The following CPSF7 variants were observed in gnomAD, a reference collection of about 807,000 sequenced individuals.
The protein encoded by CPSF7 is cleavage and polyadenylation specific factor 7.
Under a neutral mutation model 44.3 loss-of-function variants are expected in CPSF7, and 1 was observed. The ratio of observed to expected loss-of-function variants is 0.02; its 90% CI spans 0.01 to 0.11. CPSF7 has a LOEUF of 0.11. CPSF7 is among the 10% of genes least tolerant of loss of function. CPSF7 has a pLI of 1.00. For missense variants in CPSF7, 443 were observed against 607.2 expected, an observed-to-expected ratio of 0.73 and a Z score of 2.84; for synonymous variants, 202 against 222.0, an observed-to-expected ratio of 0.91 and a Z score of 0.80.
intron 2 of CPSF7, 112 bp from the exon 3 acceptor site, chr11:61,421,720 T>C: frequency 1.4e-6 from 1 of 735,830 alleles, no homozygotes; most frequent in Non-Finnish European, 2.3e-6. Flanking sequence ...TGTACAAAAC[T>C]TCCTTGTCCT....
chr11:61,410,856 C>A, intron 9 of CPSF7, 82 bp downstream of exon 9: 10 of 1,407,678 alleles, frequency 7.1e-6, no homozygotes, highest in Non-Finnish European at 8.5e-6. Context: ...TTTACTTTTG[C>A]TTTAAAGAGA....
chr11:61,413,420 C>T (rs1860024346), intron 7 of CPSF7, among the ~76,000 whole-genome samples: 1 of 151,886 alleles, frequency 6.6e-6, no homozygotes, highest in Non-Finnish European at 1.5e-5. Context: ...TCACTTGAAG[C>T]CAGAGTTCGA....
intron 5 of CPSF7, 54 bp downstream of exon 5, chr11:61,419,895 C>A (rs769416570): frequency 6.3e-7 from 1 of 1,597,972 alleles, no homozygotes; most frequent in East Asian, 2.2e-5. Context: ...CAAACACCCC[C>A]CCCTCATACA....
In CPSF7 at chr11:61,429,968, C is replaced by A; in HGVS notation, c.-110G>T. 7.8e-7 allele frequency: 1 copy of A among 1,279,554 alleles called. No individual in the cohort carries two copies. The highest frequency in any genetic ancestry group is 1.0e-6 in the Non-Finnish European group (1 of 954,810). The allele number at this position is 1,279,554 out of a possible 1,614,324, so 79.3% of individuals were successfully genotyped here. A position where few individuals can be genotyped will look rare whatever the true frequency, so the allele number is the denominator to read the frequency against. On this transcript the variant is annotated 5_prime_UTR_variant, in exon 1 of 10. Transcript: ENST00000439958. Reference sequence around the variant, plus strand: ...CGGACTAGGCCCGAAGCGCGCGAACCGCTCTCCGCCCCAGGTCCCGCCCCC... The same window carrying A: ...CGGACTAGGCCCGAAGCGCGCGAACAGCTCTCCGCCCCAGGTCCCGCCCCC...
Position 61,416,292 on chromosome 11 carries a change from C to CAGG in CPSF7, c.748_750dup (p.Pro250dup), listed in dbSNP as rs755313692. 5 of 1,538,626 alleles carry CAGG rather than the reference C, an allele frequency of 3.2e-6. No individual in the cohort carries two copies. The highest frequency in any genetic ancestry group is 4.4e-6 in the Non-Finnish European group (5 of 1,143,646). On this transcript the variant is annotated inframe_insertion, in exon 6 of 10. Transcript: ENST00000439958. Reference sequence around the variant, plus strand: ...GGCATGAGATGCTGGTAGTGGATACCAGGAGGAGGAGGAGGGACCCCAAAG... The same window carrying CAGG: ...GGCATGAGATGCTGGTAGTGGATACCAGGAGGAGGAGGAGGAGGGACCCCAAAG...
At position 61,404,438 on chromosome 11, in the gene CPSF7, G is replaced by T. The variant is rs1469014015; in HGVS notation, c.*272C>A. On this transcript the variant is annotated 3_prime_UTR_variant, in exon 10 of 10. Coordinates refer to ENST00000439958, the MANE Select transcript of CPSF7 (RefSeq NM_001142565.3). Reference sequence around the variant, plus strand: ...AGCACCATTCTCTATGGAGACCAGGGGCCTGGACATGTTTTCTTCCTGTCT... The same window carrying T: ...AGCACCATTCTCTATGGAGACCAGGTGCCTGGACATGTTTTCTTCCTGTCT... 1 of 152,626 alleles carries T rather than the reference G, an allele frequency of 6.6e-6. No homozygotes were observed. Among genetic ancestry groups the T allele is most frequent in the South Asian group, 2.1e-4 (1 of 4,812 alleles). The allele number at this position is 152,626 out of a possible 1,614,324, so 9.5% of individuals were successfully genotyped here. A position where few individuals can be genotyped will look rare whatever the true frequency, so the allele number is the denominator to read the frequency against.
At chr11:61,420,669 C>T (rs1860778606) in intron 3 of CPSF7, 96 bp from the exon 4 acceptor site, 1 of 899,416 alleles carries the variant, frequency 1.1e-6, no homozygotes, top group Non-Finnish European at 1.8e-6. Flanking sequence ...ACTAAGTCCC[C>T]CCAGAGGAAA....
chr11:61,406,291 T>C (rs937420147), intron 9 of CPSF7: 6 of 152,242 alleles, frequency 3.9e-5, no homozygotes, highest in African/African-American at 1.4e-4. Context: ...AGAAGGCTAC[T>C]GTTCTATTGC....
rs1040658135 is a variant in CPSF7 at position 61,403,964 on chromosome 11, T to C, written c.*746A>G. On this transcript the variant is annotated 3_prime_UTR_variant, in exon 10 of 10. Transcript: ENST00000439958. Reference sequence around the variant, plus strand: ...AGCACTAAGCAGCAGAGGGTGGTAATTGGCTCTGCCAGGCTTCCCAGCAGC... The same window carrying C: ...AGCACTAAGCAGCAGAGGGTGGTAACTGGCTCTGCCAGGCTTCCCAGCAGC... 2.0e-5 allele frequency: 3 copies of C among 152,634 alleles called. No individual in the cohort carries two copies. The highest frequency in any genetic ancestry group is 7.2e-5 in the African/African-American group (3 of 41,442). 9.5% of individuals were successfully genotyped at this position (152,634 alleles called of 1,614,324 possible). A position where few individuals can be genotyped will look rare whatever the true frequency, so the allele number is the denominator to read the frequency against.
At chr11:61,421,662 C>G (rs970113899) in intron 2 of CPSF7, 54 bp from the exon 3 acceptor site, 6 of 1,217,214 alleles carry the variant, frequency 4.9e-6, no homozygotes, top group East Asian at 2.3e-5. Flanking sequence ...TTTGTTCATT[C>G]TATTTCACTC....
At chr11:61,429,380 G>A (rs1861716622) in intron 1 of CPSF7, 90 bp from the exon 2 acceptor site, 3 of 766,512 alleles carry the variant, frequency 3.9e-6, no homozygotes, top group East Asian at 2.8e-5. Flanking sequence ...CATCTCCAGA[G>A]ACGCAGCATC....
At chr11:61,421,186 A>G in intron 3 of CPSF7, 1 of 1,209,564 alleles carries the variant, frequency 8.3e-7, no homozygotes, top group Non-Finnish European at 1.2e-6. Flanking sequence ...AAAAGCAACT[A>G]CCCACTTAAT....
chr11:61,428,840 C>T (rs527795641), intron 2 of CPSF7: 40 of 173,290 alleles, frequency 2.3e-4, no homozygotes, highest in African/African-American at 9.0e-4. Context: ...ACACTGTCCT[C>T]ATGAATACCG....
intron 1 of CPSF7, chr11:61,429,496 G>A (rs532874970): frequency 3.9e-6 from 2 of 511,504 alleles, no homozygotes; most frequent in Non-Finnish European, 6.7e-6. Context: ...CCTCGGGCCC[G>A]ACCCGGGTAG....
chr11:61,415,434 T>C (rs1252342328), intron 7 of CPSF7, among the ~76,000 whole-genome samples: 1 of 152,196 alleles, frequency 6.6e-6, no homozygotes, highest in East Asian at 1.9e-4. Flanking sequence ...ATTTATATTC[T>C]AGGCATTAAG....
chr11:61,429,385 A>C, intron 1 of CPSF7, 95 bp from the exon 2 acceptor site: 1 of 742,906 alleles, frequency 1.3e-6, no homozygotes. Context: ...CCAGAGACGC[A>C]GCATCCTGGC....
intron 2 of CPSF7, 114 bp downstream of exon 2, chr11:61,429,068 G>C: frequency 1.6e-6 from 1 of 630,300 alleles, no homozygotes; most frequent in East Asian, 2.8e-5. Flanking sequence ...ATTTTAGACC[G>C]GATAGACGCG....
intron 9 of CPSF7, among the ~76,000 whole-genome samples, chr11:61,405,434 G>A (rs1859226424): frequency 6.6e-6 from 1 of 152,158 alleles, no homozygotes; most frequent in Admixed American, 6.5e-5. Flanking sequence ...CAGGAGTCAC[G>A]TGGCCAGGCC....
rs777528674 is a variant in CPSF7, at chr11:61,420,534, T to C, written c.313A>G (p.Ile105Val). ...AACTCCACCACATCATAGACTCCTATAGAGCGAATAACCTGGATCAGCTGC... is the reference window on the plus strand; with the variant it reads ...AACTCCACCACATCATAGACTCCTACAGAGCGAATAACCTGGATCAGCTGC... ...DQQLIQVIRS[I>V]GVYDVVELKF... The change falls in exon 4 of 10, where the codon ATA becomes GTA. Residue 105 changes from isoleucine to valine, a missense_variant. Physicochemically the swap from Ile to Val is conservative, Grantham distance 29 (BLOSUM62 3). Coordinates refer to ENST00000439958, the MANE Select transcript of CPSF7 (RefSeq NM_001142565.3). 2.5e-5 allele frequency: 40 copies of C among 1,614,002 alleles called. No individual in the cohort carries two copies. Among genetic ancestry groups the C allele is most frequent in the Admixed American group, 8.3e-5 (5 of 59,998 alleles).
Sources: allele counts gnomAD v4.1 joint callset (sites outside exome capture counted in the v4.1 genomes callset), GRCh38; gene constraint gnomAD v4.1.1; transcripts MANE v1.5; gene names NCBI Gene and HGNC (gene_info 2026-07-23, HGNC 2026-07-21).